TNIK: variants seen among roughly 807,000 people sequenced by gnomAD.
TNIK encodes TRAF2 and NCK-interacting protein kinase.
TNIK carries 49 observed loss-of-function variants against 191.3 expected under a neutral mutation model. The observed-to-expected ratio is 0.26, with a 90% CI of 0.20 to 0.32. The LOEUF is 0.32. Ranked by LOEUF, TNIK falls within the 10% of genes least tolerant of loss-of-function variation. TNIK has a pLI of 1.00. For synonymous variants in TNIK, 594 were observed against 600.9 expected (o/e 0.99, Z 0.17); for missense variants, 1,155 against 1,702.3 (o/e 0.68, Z 5.66).
At position 171,108,118 on chromosome 3, in the gene TNIK, C is replaced by G; in HGVS notation, c.2329G>C (p.Ala777Pro). 1.3e-6 allele frequency: 2 copies of G among 1,577,150 alleles called. No homozygotes were observed. Among genetic ancestry groups the G allele is most frequent in the Non-Finnish European group, 1.7e-6 (2 of 1,160,308 alleles). Residue 777 changes from alanine (A) to proline (P), a missense_variant, in exon 20 of 33, where the codon GCG (alanine) becomes CCG (proline). Ala to Pro is a conservative substitution (Grantham distance 27). Coordinates refer to ENST00000436636, the MANE Select transcript of TNIK (RefSeq NM_015028.4). Reference protein sequence around the residue: ...EGSPVLPHEPAKVKPEESRDI... With the variant: ...EGSPVLPHEPPKVKPEESRDI... ...CTGGATTCTTCTGGTTTCACCTTCG[C>G]AGGCTCATGGGGGAGCACAGGTGAT...
At chr3:171,328,843 A>G (rs776154007) in intron 2 of TNIK, among the ~76,000 whole-genome samples, 15 of 152,162 alleles carry the variant, frequency 9.9e-5, no homozygotes, top group Non-Finnish European at 2.2e-4. Context: ...AAAGGCATTC[A>G]AATGACAGAG....
chr3:171,401,568 A>G (rs1406812280), intron 1 of TNIK, among the ~76,000 whole-genome samples: 4 of 152,000 alleles, frequency 2.6e-5, no homozygotes, highest in Admixed American at 6.6e-5. Context: ...GGGAGCAGTG[A>G]AGTCTTAAAA....
At chr3:171,430,229 G>A (rs924645067) in intron 1 of TNIK, among the ~76,000 whole-genome samples, 1 of 152,176 alleles carries the variant, frequency 6.6e-6, no homozygotes. Flanking sequence ...GTTTCAAGTA[G>A]TTTCATCGCA....
At chr3:171,442,799 T>C (rs1265618157) in intron 1 of TNIK, among the ~76,000 whole-genome samples, 3 of 152,168 alleles carry the variant, frequency 2.0e-5, no homozygotes, top group Non-Finnish European at 4.4e-5. Context: ...AAGATTGGTT[T>C]ACCATGATTT....
At chr3:171,382,886 G>A (rs882172) in intron 1 of TNIK, among the ~76,000 whole-genome samples, 75,821 of 151,990 alleles carry the variant, frequency 0.5, 20,993 homozygotes, top group African/African-American at 0.74. Flanking sequence ...GAAAAGACCA[G>A]AAACTGATGA....
intron 2 of TNIK, among the ~76,000 whole-genome samples, chr3:171,289,448 C>T (rs1751432994): frequency 6.6e-6 from 1 of 152,178 alleles, no homozygotes; most frequent in African/African-American, 2.4e-5. Flanking sequence ...CCTGCCATGA[C>T]ATTCCAGAGA....
intron 2 of TNIK, among the ~76,000 whole-genome samples, chr3:171,269,952 G>A (rs1748879438): frequency 1.3e-5 from 2 of 152,066 alleles, no homozygotes; most frequent in South Asian, 4.2e-4. Context: ...GAATAACTAG[G>A]AAGCTTTTTA....
intron 2 of TNIK, among the ~76,000 whole-genome samples, chr3:171,368,268 C>G (rs1461489285): frequency 6.6e-6 from 1 of 152,120 alleles, no homozygotes; most frequent in African/African-American, 2.4e-5. Flanking sequence ...ACCATAAAAC[C>G]AACAGCATGC....
chr3:171,074,644 A>G (rs1160082238), intron 28 of TNIK, among the ~76,000 whole-genome samples: 3 of 152,236 alleles, frequency 2.0e-5, no homozygotes, highest in Admixed American at 2.0e-4. Context: ...AAGCACATAT[A>G]GGCTCAGATA....
chr3:171,436,267 A>G (rs1726022549), intron 1 of TNIK, among the ~76,000 whole-genome samples: 1 of 150,856 alleles, frequency 6.6e-6, no homozygotes, highest in African/African-American at 2.4e-5. Context: ...GGCAGAACCT[A>G]ATACCTTGTA....
chr3:171,210,227 C>G (rs1229319306), intron 4 of TNIK, among the ~76,000 whole-genome samples: 2 of 152,138 alleles, frequency 1.3e-5, no homozygotes, highest in Non-Finnish European at 2.9e-5. Flanking sequence ...AAAAGTAGAT[C>G]AACACATAGG....
At chr3:171,448,548 T>G (rs1222501387) in intron 1 of TNIK, among the ~76,000 whole-genome samples, 1 of 151,730 alleles carries the variant, frequency 6.6e-6, no homozygotes, top group East Asian at 1.9e-4. Flanking sequence ...TATTTGAGGT[T>G]ACTATAAATA....
At chr3:171,346,892 A>G (rs918095358) in intron 2 of TNIK, 3 of 358,306 alleles carry the variant, frequency 8.4e-6, no homozygotes, top group African/African-American at 4.2e-5. Flanking sequence ...ACTCTTGATC[A>G]CATGGGAAAT....
At chr3:171,354,703 T>C (rs1713758849) in intron 2 of TNIK, among the ~76,000 whole-genome samples, 1 of 152,170 alleles carries the variant, frequency 6.6e-6, no homozygotes, top group Admixed American at 6.5e-5. Context: ...GAGGGAGAAA[T>C]AATTTAAGTA....
chr3:171,282,440 C>T (rs1381462168), intron 2 of TNIK, among the ~76,000 whole-genome samples: 3 of 149,442 alleles, frequency 2.0e-5, no homozygotes, highest in Admixed American at 6.8e-5. Context: ...CTCCTGGGTT[C>T]AAGCACTTCT....
chr3:171,332,994 T>C (rs999537764), intron 2 of TNIK, among the ~76,000 whole-genome samples: 3 of 152,094 alleles, frequency 2.0e-5, no homozygotes, highest in African/African-American at 7.2e-5. Flanking sequence ...TGATATACAG[T>C]GAGTGCCACA....
At chr3:171,073,633 A>G (rs1375053018) in intron 28 of TNIK, among the ~76,000 whole-genome samples, 1 of 152,180 alleles carries the variant, frequency 6.6e-6, no homozygotes, top group African/African-American at 2.4e-5. Context: ...GCATCCAACA[A>G]ATTTCTACAA....
chr3:171,424,076 T>C (rs1304070049), intron 1 of TNIK, among the ~76,000 whole-genome samples: 3 of 152,134 alleles, frequency 2.0e-5, no homozygotes, highest in African/African-American at 7.2e-5. Flanking sequence ...ATTTTTGCAA[T>C]CTACTCATCT....
chr3:171,341,063 G>T (rs563642504), intron 2 of TNIK, among the ~76,000 whole-genome samples: 1 of 152,222 alleles, frequency 6.6e-6, no homozygotes, highest in African/African-American at 2.4e-5. Flanking sequence ...AAAACCATGA[G>T]CTTATGGCTA....
Sources: gnomAD v4.1 joint callset for allele counts (sites outside exome capture counted in the v4.1 genomes callset) on GRCh38, gnomAD v4.1.1 for gene constraint, MANE v1.5 for transcripts, NCBI Gene and HGNC (gene_info 2026-07-23, HGNC 2026-07-21) for gene names.